OXR1: variants seen among roughly 807,000 people sequenced by gnomAD.
OXR1 encodes the protein oxidation resistance 1, also known as oxidation resistance protein 1.
Under a neutral mutation model 104.6 loss-of-function variants are expected in OXR1, and 41 were observed. That is an observed-to-expected ratio of 0.39 (90% CI 0.31 to 0.51). OXR1 has a LOEUF of 0.51. OXR1 is among the 20% of genes least tolerant of loss of function. The probability of loss-of-function intolerance (pLI) is 0.77; values close to 1 mark genes in which losing one functional copy is unlikely to be tolerated. For missense variants in OXR1, 955 were observed against 1,031.9 expected, an observed-to-expected ratio of 0.93 and a Z score of 1.02; for synonymous variants, 348 against 348.4, an observed-to-expected ratio of 1.00 and a Z score of 0.01.
intron 11 of OXR1, among the ~76,000 whole-genome samples, chr8:106,736,552 C>G (rs1185712746): frequency 6.6e-6 from 1 of 152,154 alleles, no homozygotes; most frequent in Non-Finnish European, 1.5e-5. Flanking sequence ...AGAATCGTCA[C>G]ATATTTATCA....
At chr8:106,304,421 A>G (rs1813390704) in intron 1 of OXR1, among the ~76,000 whole-genome samples, 1 of 152,202 alleles carries the variant, frequency 6.6e-6, no homozygotes, top group Admixed American at 6.5e-5. Context: ...CCACAGATTT[A>G]AAAATCTTTG....
intron 11 of OXR1, among the ~76,000 whole-genome samples, chr8:106,731,786 T>A (rs1360272900): frequency 2.0e-5 from 3 of 152,240 alleles, no homozygotes; most frequent in Non-Finnish European, 4.4e-5. Context: ...TATTGATTAC[T>A]GTAGCTTTAT....
rs564763847 is a variant in OXR1, at chr8:106,313,632, G to A, written c.-139+43265G>A. Among the ~76,000 whole-genome samples, 5 of 91,318 alleles carry A rather than the reference G, an allele frequency of 5.5e-5. No individual in the cohort carries two copies. The East Asian group carries it at 9.9e-4, about 18-fold the overall frequency. The allele number at this position is 91,318 out of a possible 152,430, so 59.9% of individuals were successfully genotyped here. A position where few individuals can be genotyped will look rare whatever the true frequency, so the allele number is the denominator to read the frequency against. The stretch of plus-strand genomic sequence containing the variant: ...GGAAGAACCTACCAATCCAATGTAC[G>A]TTTATTCTCCTTTTGCTAGGACAAA... On this transcript the variant is annotated intron_variant, in intron 1 of 16. Transcript: ENST00000517566.
chr8:106,292,920 A>T (rs532451033), intron 1 of OXR1, among the ~76,000 whole-genome samples: 1 of 152,342 alleles, frequency 6.6e-6, no homozygotes, highest in Non-Finnish European at 1.5e-5. Context: ...CTGGTTGCCA[A>T]GGGGGCAGGA....
At chr8:106,561,184 G>T (rs1422084299) in intron 3 of OXR1, among the ~76,000 whole-genome samples, 1 of 152,058 alleles carries the variant, frequency 6.6e-6, no homozygotes, top group Non-Finnish European at 1.5e-5. Flanking sequence ...TTGCTCAGCG[G>T]ATCCCACCCC....
intron 3 of OXR1, among the ~76,000 whole-genome samples, chr8:106,610,344 T>C (rs1172397937): frequency 6.6e-6 from 1 of 152,174 alleles, no homozygotes; most frequent in African/African-American, 2.4e-5. Context: ...GTCCCCTGCA[T>C]TCAGGATGTG....
chr8:106,443,876 C>T (rs553770208), intron 2 of OXR1, among the ~76,000 whole-genome samples: 5 of 152,130 alleles, frequency 3.3e-5, no homozygotes, highest in Admixed American at 6.6e-5. Flanking sequence ...TTCTGCTCAG[C>T]AAAAGAAACT....
intron 1 of OXR1, among the ~76,000 whole-genome samples, chr8:106,275,754 T>TA (rs1211475393): frequency 6.6e-6 from 1 of 152,142 alleles, no homozygotes; most frequent in Non-Finnish European, 1.5e-5. Context: ...TCAAACACCT[T>TA]ATGTTGTTCT....
intron 3 of OXR1, among the ~76,000 whole-genome samples, chr8:106,542,356 A>G (rs185307977): frequency 2.6e-4 from 39 of 152,162 alleles, no homozygotes; most frequent in African/African-American, 8.2e-4. Flanking sequence ...ACTGGGGAAA[A>G]CACTCCCCCC....
At chr8:106,705,696 T>C (rs560881403) in intron 8 of OXR1, among the ~76,000 whole-genome samples, 1 of 152,280 alleles carries the variant, frequency 6.6e-6, no homozygotes, top group South Asian at 2.1e-4. Flanking sequence ...TGAACATTAG[T>C]GTTTACATAT....
At chr8:106,602,706 G>T (rs1198103457) in intron 3 of OXR1, among the ~76,000 whole-genome samples, 2 of 151,980 alleles carry the variant, frequency 1.3e-5, no homozygotes, top group East Asian at 3.9e-4. Context: ...TATGCATGTT[G>T]TATTACATAT....
At chr8:106,304,158 C>T (rs769388565) in intron 1 of OXR1, among the ~76,000 whole-genome samples, 1 of 152,148 alleles carries the variant, frequency 6.6e-6, no homozygotes, top group Non-Finnish European at 1.5e-5. Context: ...GGTAACTGGA[C>T]TCTATGCTAA....
chr8:106,316,384 T>C (rs558020821), intron 1 of OXR1, among the ~76,000 whole-genome samples: 2 of 151,706 alleles, frequency 1.3e-5, no homozygotes, highest in African/African-American at 4.8e-5. Flanking sequence ...AATCAATCTT[T>C]ATTGAAAAGA....
At chr8:106,322,064 T>C (rs373762937) in intron 1 of OXR1, among the ~76,000 whole-genome samples, 16 of 152,314 alleles carry the variant, frequency 1.1e-4, no homozygotes, top group African/African-American at 3.8e-4. Context: ...AGCTCTGCCA[T>C]CTCCATCCCC....
chr8:106,484,491 A>G (rs79141726), intron 2 of OXR1, among the ~76,000 whole-genome samples: 5,771 of 152,118 alleles, frequency 0.038, 399 homozygotes, highest in African/African-American at 0.13. Flanking sequence ...AATAAAATAA[A>G]CCAATTAAAA....
At chr8:106,375,648 G>C (rs146563751) in intron 2 of OXR1, among the ~76,000 whole-genome samples, 3 of 152,274 alleles carry the variant, frequency 2.0e-5, no homozygotes, top group African/African-American at 7.2e-5. Context: ...CTGGTCCCAG[G>C]TGCTCAACAG....
chr8:106,484,746 G>T (rs1822344155), intron 2 of OXR1, among the ~76,000 whole-genome samples: 1 of 151,908 alleles, frequency 6.6e-6, no homozygotes, highest in Non-Finnish European at 1.5e-5. Flanking sequence ...CAGCCACTTT[G>T]GGGGACAGTT....
chr8:106,608,217 G>A lies in OXR1; in HGVS notation c.221-70993G>A, dbSNP rs1050479331. 3.3e-5 allele frequency among the ~76,000 whole-genome samples: 5 copies of A among 152,144 alleles called. 1 individual carries two copies. The South Asian group carries it at 8.3e-4, about 25-fold the overall frequency. ...ATGCAGAAGGATCATTTGAGCCCAG[G>A]AGGTCAAGGCTGCAGTGAGCTATGA... On this transcript the variant is annotated intron_variant, in intron 3 of 16. Transcript: ENST00000517566.
At chr8:106,664,532 AGT>A (rs1826082030) in intron 3 of OXR1, among the ~76,000 whole-genome samples, 1 of 152,222 alleles carries the variant, frequency 6.6e-6, no homozygotes, top group Admixed American at 6.5e-5. Context: ...AGGAATAATC[AGT>A]GTATTTGGTC....
Sources: gnomAD v4.1 joint callset for allele counts (sites outside exome capture counted in the v4.1 genomes callset) on GRCh38, gnomAD v4.1.1 for gene constraint, MANE v1.5 for transcripts, NCBI Gene and HGNC (gene_info 2026-07-23, HGNC 2026-07-21) for gene names.